The following MS4A18 variants were observed in gnomAD, a reference collection of about 807,000 sequenced individuals.
MS4A18 encodes the protein membrane-spanning 4-domains subfamily A member 18.
In MS4A18, 27 loss-of-function variants were observed where a neutral mutation model predicts 13.1. That is an observed-to-expected ratio of 2.06 (90% CI 1.52 to 2.84). MS4A18 has a LOEUF of 2.84. Ranked by LOEUF, MS4A18 falls within the 30% of genes most tolerant of loss-of-function variation. The pLI is 0.00. For synonymous variants in MS4A18, 126 were observed against 76.5 expected (o/e 1.65, Z -3.38); for missense variants, 307 against 196.4 (o/e 1.56, Z -3.37).
chr11:60,743,566 G>T, intron 5 of MS4A18, 84 bp from the exon 7 acceptor site: 1 of 658,432 alleles, frequency 1.5e-6, no homozygotes, highest in Non-Finnish European at 2.8e-6. Flanking sequence ...TAAGGGTATG[G>T]AAACAGAAGG....
intron 2 of MS4A18, among the ~76,000 whole-genome samples, chr11:60,736,369 C>T (rs1352060460): frequency 4.0e-5 from 6 of 151,890 alleles, no homozygotes; most frequent in African/African-American, 1.4e-4. Context: ...GCTGGAGGAA[C>T]GTCCTGAGCC....
At chr11:60,732,863 C>CCT in intron 1 of MS4A18, among the ~76,000 whole-genome samples, 1 of 152,244 alleles carries the variant, frequency 6.6e-6, no homozygotes, top group Admixed American at 6.5e-5. Flanking sequence ...AAATATGTAG[C>CCT]CTCTCAAACA....
At chr11:60,735,189 A>G (rs987594742) in intron 2 of MS4A18, among the ~76,000 whole-genome samples, 8 of 152,260 alleles carry the variant, frequency 5.3e-5, no homozygotes, top group Admixed American at 6.5e-5. Flanking sequence ...AGTAAATTAA[A>G]TTAAAGTTTT....
intron 2 of MS4A18, among the ~76,000 whole-genome samples, chr11:60,734,866 C>T (rs1341830872): frequency 2.6e-5 from 4 of 151,692 alleles, no homozygotes; most frequent in African/African-American, 9.7e-5. Flanking sequence ...ACTGTAACCT[C>T]TGCCTCCTGG....
At chr11:60,734,164 A>G (rs1397316078) in intron 2 of MS4A18, among the ~76,000 whole-genome samples, 1 of 152,084 alleles carries the variant, frequency 6.6e-6, no homozygotes, top group Non-Finnish European at 1.5e-5. Context: ...GCTGAGGTGG[A>G]AGGATCACCT....
chr11:60,738,142 T>C (rs184394225), intron 3 of MS4A18, among the ~76,000 whole-genome samples: 1 of 152,328 alleles, frequency 6.6e-6, no homozygotes, highest in East Asian at 1.9e-4. Context: ...AGCCCAAATG[T>C]AGAACACGGT....
upstream of MS4A18, among the ~76,000 whole-genome samples, chr11:60,727,665 A>G (rs1853185899): frequency 6.6e-6 from 1 of 152,198 alleles, no homozygotes; most frequent in East Asian, 1.9e-4. Context: ...ATTTTGTGCC[A>G]TAGGATTTGG....
In MS4A18 at chr11:60,738,953, G is replaced by A. The variant is rs188613786; in HGVS notation, c.700G>A (p.Gly234Arg). 201 of 703,176 alleles carry A rather than the reference G, an allele frequency of 2.9e-4. 1 individual carries two copies. In the East Asian group the frequency reaches 5.2e-3, roughly 18 times the overall value. The allele number at this position is 703,176 out of a possible 1,614,324, so 43.6% of individuals were successfully genotyped here. Residue 234 changes from glycine to arginine, a missense_variant, in exon 4 of 6, where the codon GGG becomes AGG. Transcript: ENST00000529108. Reference sequence around the variant, plus strand: ...CATCAGCGCACTCTTCGCCTTTGCCGGGATCTTCATTATCATTACAGATCT... The same window carrying A: ...CATCAGCGCACTCTTCGCCTTTGCCAGGATCTTCATTATCATTACAGATCT...
chr11:60,729,783 A>AG lies in MS4A18; in HGVS notation c.472dup (p.Val158GlyfsTer18), dbSNP rs1459788935. 6 of 693,630 alleles carry AG rather than the reference A, an allele frequency of 8.7e-6. No homozygotes were observed. The highest frequency in any genetic ancestry group is 1.8e-5 in the African/African-American group (1 of 57,094). The allele number at this position is 693,630 out of a possible 1,614,324, so 43.0% of individuals were successfully genotyped here. A position where few individuals can be genotyped will look rare whatever the true frequency, so the allele number is the denominator to read the frequency against. ...TCATAAATGAGGAGGTCAGAACATT[A>AG]GGGGTGAGTGTGATTTCTCCTTCTC... On this transcript the variant is annotated frameshift_variant, in exon 1 of 6. Transcript: ENST00000529108. LOFTEE classifies it high-confidence loss of function.
intron 1 of MS4A18, among the ~76,000 whole-genome samples, chr11:60,731,125 G>A (rs556858744): frequency 2.0e-5 from 3 of 152,204 alleles, no homozygotes; most frequent in African/African-American, 7.2e-5. Flanking sequence ...GGAAATCCTG[G>A]TCACAAGCAT....
intron 5 of MS4A18, among the ~76,000 whole-genome samples, chr11:60,741,884 A>G (rs1004993175): frequency 6.6e-6 from 1 of 152,182 alleles, no homozygotes; most frequent in African/African-American, 2.4e-5. Context: ...ATTTGGGTGT[A>G]TTGCTCTTCT....
At chr11:60,736,410 T>G (rs141381391) in intron 2 of MS4A18, among the ~76,000 whole-genome samples, 1 of 151,960 alleles carries the variant, frequency 6.6e-6, no homozygotes, top group African/African-American at 2.4e-5. Flanking sequence ...CTCTCATAAC[T>G]GAACAGAGCT....
At chr11:60,725,243 G>C (rs1299745199), upstream of MS4A18, among the ~76,000 whole-genome samples, 1 of 152,138 alleles carries the variant, frequency 6.6e-6, no homozygotes, top group African/African-American at 2.4e-5. Flanking sequence ...ACCCAGGCTG[G>C]AGTGCAGTGG....
At chr11:60,733,214 G>C (rs768223831) in intron 1 of MS4A18, among the ~76,000 whole-genome samples, 1 of 152,248 alleles carries the variant, frequency 6.6e-6, no homozygotes, top group Non-Finnish European at 1.5e-5. Flanking sequence ...GCCACAACCC[G>C]GGCTCGGCCC....
rs762269154 is a variant in MS4A18, at chr11:60,729,504, C to T, written c.189C>T (p.Leu63=). The T allele has an allele frequency of 1.7e-3, 1,223 of 702,778 alleles. 5 individuals are homozygous for T. The highest frequency in any genetic ancestry group is 2.1e-3 in the Non-Finnish European group (796 of 384,838). 43.5% of individuals were successfully genotyped at this position (702,778 alleles called of 1,614,324 possible). A position where few individuals can be genotyped will look rare whatever the true frequency, so the allele number is the denominator to read the frequency against. ...GAAGAGCAAACTTACAGAATCTACT[C>T]GTGGTGAACCAGAACTCAGCAGCAG... Residue 63 remains leucine, a synonymous_variant, in exon 1 of 6, where the codon CTC becomes CTT. Coordinates refer to ENST00000529108, the Ensembl canonical transcript of MS4A18.
chr11:60,741,281 A>G, intron 5 of MS4A18, 138 bp downstream of exon 6: 1 of 659,016 alleles, frequency 1.5e-6, no homozygotes, highest in Non-Finnish European at 2.8e-6. Flanking sequence ...ATAGCTACCT[A>G]CCCCAGAACT....
At chr11:60,741,590 T>C (rs772800935) in intron 5 of MS4A18, among the ~76,000 whole-genome samples, 3 of 152,150 alleles carry the variant, frequency 2.0e-5, no homozygotes, top group Admixed American at 6.5e-5. Flanking sequence ...AATGTCCCAC[T>C]GGTCACAGTC....
intron 2 of MS4A18, among the ~76,000 whole-genome samples, chr11:60,735,914 G>A (rs1249370485): frequency 4.6e-5 from 7 of 151,672 alleles, no homozygotes; most frequent in Non-Finnish European, 5.9e-5. Context: ...CACCCACCTC[G>A]GCCTCCCAAA....
chr11:60,738,869 G>T, intron 3 of MS4A18, 33 bp from the exon 5 acceptor site: 2 of 701,862 alleles, frequency 2.8e-6, no homozygotes, highest in South Asian at 3.0e-5. Flanking sequence ...CTTCAGACTC[G>T]GCTCCCTCTC....
Sources: allele counts gnomAD v4.1 joint callset (sites outside exome capture counted in the v4.1 genomes callset), GRCh38; gene constraint gnomAD v4.1.1; transcripts MANE v1.5; gene names NCBI Gene and HGNC (gene_info 2026-07-23, HGNC 2026-07-21).